The following NPSR1 variants were observed in gnomAD, a reference collection of about 807,000 sequenced individuals.
NPSR1 encodes the protein neuropeptide S receptor 1.
A neutral mutation model predicts 46.9 loss-of-function variants in NPSR1; 48 were observed. The ratio of observed to expected loss-of-function variants is 1.02; its 90% confidence interval spans 0.81 to 1.30. NPSR1 has a LOEUF of 1.30. NPSR1 is among the 50% of genes most tolerant of loss of function. NPSR1 has a pLI of 0.00. For missense variants in NPSR1, 450 were observed against 449.5 expected, an observed-to-expected ratio of 1.00 and a Z score of -0.01; for synonymous variants, 176 against 168.1, an observed-to-expected ratio of 1.05 and a Z score of -0.36.
intron 1 of NPSR1, among the ~76,000 whole-genome samples, chr7:34,681,175 C>T (rs546874985): frequency 6.6e-6 from 1 of 152,250 alleles, no homozygotes; most frequent in East Asian, 1.9e-4. Context: ...ATCCCCAGAC[C>T]AAGTCCCAAC....
chr7:34,687,107 C>T (rs957611566), intron 2 of NPSR1, among the ~76,000 whole-genome samples: 3 of 151,408 alleles, frequency 2.0e-5, no homozygotes, highest in African/African-American at 7.3e-5. Flanking sequence ...CTTACCACTA[C>T]CAAACCGTGA....
chr7:34,747,221 G>A (rs324399), intron 2 of NPSR1, among the ~76,000 whole-genome samples: 61,274 of 151,642 alleles, frequency 0.4, 13,039 homozygotes, highest in African/African-American at 0.53. Flanking sequence ...AATAGGAGCT[G>A]CAGGTTGGAG....
intron 4 of NPSR1, among the ~76,000 whole-genome samples, chr7:34,826,951 A>T (rs1789884992): frequency 6.6e-6 from 1 of 152,030 alleles, no homozygotes; most frequent in Non-Finnish European, 1.5e-5. Flanking sequence ...AAACTGTCCC[A>T]GTGCTTTGCA....
At position 34,844,930 on chromosome 7, in the gene NPSR1, C is replaced by T; in HGVS notation, c.792C>T (p.Leu264=). ...GKLCSSYNRG[L]ISKAKIKAIK... ...TGTGCAGCAGCTATAACCGAGGACT[C>T]ATCTCAAAGGCAAAAATCAAGGCTA... The change falls in exon 7 of 9, where the codon CTC becomes CTT. Residue 264 remains leucine, a synonymous_variant. Transcript: ENST00000360581. The T allele has an allele frequency of 1.2e-6, 2 of 1,612,838 alleles. No individual in the cohort carries two copies. The highest frequency in any genetic ancestry group is 1.7e-6 in the Non-Finnish European group (2 of 1,178,828).
At chr7:34,727,837 C>T (rs1225016150) in intron 2 of NPSR1, among the ~76,000 whole-genome samples, 1 of 152,126 alleles carries the variant, frequency 6.6e-6, no homozygotes, top group East Asian at 1.9e-4. Flanking sequence ...TTCAACTTGA[C>T]TAATTGAGCC....
chr7:34,689,618 A>AG (rs1793128453), intron 2 of NPSR1, among the ~76,000 whole-genome samples: 1 of 145,074 alleles, frequency 6.9e-6, no homozygotes, highest in East Asian at 2.0e-4. Context: ...AAAAAAAAAA[A>AG]AAAAAAAAAA....
chr7:34,811,480 C>T (rs565596405), intron 3 of NPSR1, among the ~76,000 whole-genome samples: 1 of 152,124 alleles, frequency 6.6e-6, no homozygotes, highest in African/African-American at 2.4e-5. Flanking sequence ...GGGCATGTAG[C>T]TGGCCAAAAG....
chr7:34,663,980 C>A (rs544147209), intron 1 of NPSR1, among the ~76,000 whole-genome samples: 1 of 152,344 alleles, frequency 6.6e-6, no homozygotes, highest in East Asian at 1.9e-4. Context: ...AGAAGCACAT[C>A]CATTCATGCT....
chr7:34,681,086 A>G (rs916163390), intron 1 of NPSR1, among the ~76,000 whole-genome samples: 1 of 151,876 alleles, frequency 6.6e-6, no homozygotes, highest in East Asian at 1.9e-4. Flanking sequence ...TAAACTCTTG[A>G]TTTCTTCCAC....
intron 2 of NPSR1, among the ~76,000 whole-genome samples, chr7:34,775,084 GTA>G (rs1024331424): frequency 1.3e-5 from 2 of 152,194 alleles, no homozygotes; most frequent in South Asian, 2.1e-4. Flanking sequence ...CCTCCAGAGT[GTA>G]TGTGTCCTAC....
At chr7:34,866,705 T>A (rs1791323645) in intron 8 of NPSR1, among the ~76,000 whole-genome samples, 1 of 151,466 alleles carries the variant, frequency 6.6e-6, no homozygotes, top group African/African-American at 2.4e-5. Context: ...GGGAAAAGGG[T>A]ATGAATAAGC....
At chr7:34,705,792 CTTCA>C in intron 2 of NPSR1, among the ~76,000 whole-genome samples, 1 of 152,202 alleles carries the variant, frequency 6.6e-6, no homozygotes, top group Admixed American at 6.5e-5. Flanking sequence ...CATTTATCTT[CTTCA>C]TTGTGACTTT....
intron 2 of NPSR1, among the ~76,000 whole-genome samples, chr7:34,756,070 C>T (rs1334943588): frequency 6.6e-6 from 1 of 152,182 alleles, no homozygotes; most frequent in African/African-American, 2.4e-5. Flanking sequence ...CCTCTGATTA[C>T]ACTCAGCTGG....
At chr7:34,666,677 T>G (rs1304317645) in intron 1 of NPSR1, among the ~76,000 whole-genome samples, 1 of 152,190 alleles carries the variant, frequency 6.6e-6, no homozygotes, top group Admixed American at 6.5e-5. Context: ...TCCTAATTGA[T>G]ATAAATACTA....
Position 34,827,416 on chromosome 7 carries a change from TC to T in NPSR1, c.496del (p.Leu166SerfsTer3). 6.2e-7 allele frequency: 1 copy of T among 1,613,970 alleles called. No individual in the cohort carries two copies. On this transcript the variant is annotated frameshift_variant, in exon 5 of 9. Transcript: ENST00000360581. LOFTEE classifies it high-confidence loss of function. ...CTTTGGGCAGAAAAGCAAGCCAGGG[TC>T]CTCATTGTGATCGCCTGGAGCCTGT... is the stretch of plus-strand genomic sequence containing the variant. ...KFLQGEKQAR[V>X]LIVIAWSLSF...
At chr7:34,779,682 G>A (rs1787145405) in intron 3 of NPSR1, 2 of 744,328 alleles carry the variant, frequency 2.7e-6, no homozygotes, top group Admixed American at 4.8e-5. Flanking sequence ...TATTTTCTCA[G>A]GGGAAATTTT....
intron 5 of NPSR1, 138 bp from the exon 6 acceptor site, chr7:34,834,246 C>A: frequency 1.5e-6 from 1 of 665,012 alleles, no homozygotes. Context: ...CTATGAACAG[C>A]AAGTATAAGG....
intron 2 of NPSR1, among the ~76,000 whole-genome samples, chr7:34,743,788 G>A (rs544519537): frequency 6.9e-4 from 105 of 152,062 alleles, no homozygotes; most frequent in Non-Finnish European, 1.2e-3. Context: ...ACTTAGAAGT[G>A]TGCTTTTTAA....
intron 2 of NPSR1, among the ~76,000 whole-genome samples, chr7:34,718,201 T>C (rs1783669886): frequency 6.6e-6 from 1 of 152,208 alleles, no homozygotes; most frequent in Admixed American, 6.5e-5. Flanking sequence ...TAATAAAATG[T>C]TAACATAAAT....
Sources: gnomAD v4.1 joint callset for allele counts (sites outside exome capture counted in the v4.1 genomes callset) on GRCh38, gnomAD v4.1.1 for gene constraint, MANE v1.5 for transcripts, NCBI Gene and HGNC (gene_info 2026-07-23, HGNC 2026-07-21) for gene names.